LRRTM4: variants seen among roughly 807,000 people sequenced by gnomAD.
LRRTM4 encodes leucine rich repeat transmembrane neuronal 4, also known as leucine-rich repeat transmembrane neuronal protein 4.
Under a neutral mutation model 47.6 loss-of-function variants are expected in LRRTM4, and 25 were observed. The ratio of observed to expected loss-of-function variants is 0.53; its 90% CI spans 0.38 to 0.73. The LOEUF is 0.73. LRRTM4 is among the 30% of genes least tolerant of loss of function. LRRTM4 has a pLI of 0.00. For missense variants in LRRTM4, 638 were observed against 713.4 expected (o/e 0.89, Z 1.20); for synonymous variants, 311 against 269.5 (o/e 1.15, Z -1.51).
chr2:77,395,034 T>C (rs1305564450), intron 3 of LRRTM4, among the ~76,000 whole-genome samples: 2 of 152,012 alleles, frequency 1.3e-5, no homozygotes, highest in East Asian at 3.9e-4. Flanking sequence ...TTAGAATTTA[T>C]TCTTTAAGTG....
rs796079879 is a variant in LRRTM4, at chr2:77,480,814, GTGTGTGTGGA to G, written c.1551+37494_1551+37503del. On this transcript the variant is annotated intron_variant, in intron 3 of 3. Coordinates refer to ENST00000409884, the MANE Select transcript of LRRTM4 (RefSeq NM_001134745.3). ...TGTGTGTGTGTGTGTGTGTGTGTGT[GTGTGTGTGGA>G]GAGAGAGAGAGAGAGAGAGAGAGAG... Among the ~76,000 whole-genome samples the G allele has an allele frequency of 7.5e-3, 974 of 130,714 alleles. 9 individuals carry two copies. In the East Asian group the frequency reaches 0.09, roughly 12 times the overall value. The allele number at this position is 130,714 out of a possible 152,430, so 85.8% of individuals were successfully genotyped here.
intron 3 of LRRTM4, among the ~76,000 whole-genome samples, chr2:77,466,720 T>A (rs1676995767): frequency 7.6e-6 from 1 of 131,984 alleles, no homozygotes; most frequent in East Asian, 2.5e-4. Flanking sequence ...TTTTTTTTTT[T>A]TTGACACAGA....
intron 3 of LRRTM4, among the ~76,000 whole-genome samples, chr2:76,876,139 C>T (rs548184879): frequency 6.6e-6 from 1 of 151,980 alleles, no homozygotes; most frequent in East Asian, 1.9e-4. Flanking sequence ...CATAGTATGC[C>T]TAACGATTTT....
At chr2:77,088,850 C>T (rs1468543713) in intron 3 of LRRTM4, among the ~76,000 whole-genome samples, 1 of 152,094 alleles carries the variant, frequency 6.6e-6, no homozygotes, top group Non-Finnish European at 1.5e-5. Context: ...ACTCTCTTCT[C>T]CAACCTCCCT....
chr2:77,230,528 G>T (rs1002879272), intron 3 of LRRTM4, among the ~76,000 whole-genome samples: 18 of 152,110 alleles, frequency 1.2e-4, no homozygotes, highest in African/African-American at 4.3e-4. Context: ...TATAAAATAA[G>T]ATTGTGAAGA....
At chr2:76,806,843 A>T (rs1675994549) in intron 3 of LRRTM4, among the ~76,000 whole-genome samples, 1 of 152,152 alleles carries the variant, frequency 6.6e-6, no homozygotes, top group African/African-American at 2.4e-5. Context: ...ATTGGTACTT[A>T]GAAAAGATAA....
At chr2:76,806,917 T>C (rs367597777) in intron 3 of LRRTM4, among the ~76,000 whole-genome samples, 3 of 151,968 alleles carry the variant, frequency 2.0e-5, no homozygotes, top group Admixed American at 1.3e-4. Flanking sequence ...AAAATACCAA[T>C]GACTTATAAA....
intron 3 of LRRTM4, among the ~76,000 whole-genome samples, chr2:77,215,946 A>C (rs895536799): frequency 2.0e-5 from 3 of 152,196 alleles, no homozygotes; most frequent in African/African-American, 7.2e-5. Context: ...ATTCTGGGTC[A>C]GTAAGAGCTG....
intron 3 of LRRTM4, among the ~76,000 whole-genome samples, chr2:77,420,696 C>G (rs893872448): frequency 3.4e-5 from 5 of 147,340 alleles, no homozygotes; most frequent in Admixed American, 6.9e-5. Flanking sequence ...CTTTTTTTTA[C>G]TAGGAAATAT....
chr2:77,021,977 C>T (rs186867962), intron 3 of LRRTM4, among the ~76,000 whole-genome samples: 1 of 152,178 alleles, frequency 6.6e-6, no homozygotes, highest in African/African-American at 2.4e-5. Flanking sequence ...TCAACATATC[C>T]CCTTTTCCTC....
At chr2:76,978,767 C>T (rs1176402510) in intron 3 of LRRTM4, among the ~76,000 whole-genome samples, 1 of 151,942 alleles carries the variant, frequency 6.6e-6, no homozygotes, top group Non-Finnish European at 1.5e-5. Context: ...TTTGTTTTAG[C>T]AAAAGGTTAA....
chr2:77,522,308 C>T lies in LRRTM4; in HGVS notation c.-347G>A. ...GCTGGGAGGCAGCCCTTGTCTAATT[C>T]AGAAGGCTTTCCAGAGACTGATGAT... On this transcript the variant is annotated 5_prime_UTR_variant, in exon 1 of 4. Coordinates refer to ENST00000409884, the MANE Select transcript of LRRTM4 (RefSeq NM_001134745.3). The T allele has an allele frequency of 1.9e-6, 1 of 531,608 alleles. No individual in the cohort carries two copies. Among genetic ancestry groups the T allele is most frequent in the Non-Finnish European group, 3.3e-6 (1 of 298,512 alleles). The allele number at this position is 531,608 out of a possible 1,614,324, so 32.9% of individuals were successfully genotyped here.
At chr2:76,775,183 T>C (rs1307475787) in intron 3 of LRRTM4, among the ~76,000 whole-genome samples, 1 of 152,216 alleles carries the variant, frequency 6.6e-6, no homozygotes. Context: ...CAGGCATTTA[T>C]TGTTTTGGGC....
At chr2:76,911,639 AAG>A (rs1674059436) in intron 3 of LRRTM4, among the ~76,000 whole-genome samples, 1 of 152,088 alleles carries the variant, frequency 6.6e-6, no homozygotes, top group East Asian at 1.9e-4. Flanking sequence ...AGAGAAAAGA[AAG>A]AGCCAGAGAG....
rs775279021 is a variant in LRRTM4 at position 76,885,462 on chromosome 2, C to CTTTTTTTTT, written c.1552-136555_1552-136547dup. 1.5e-5 allele frequency among the ~76,000 whole-genome samples: 2 copies of CTTTTTTTTT among 135,596 alleles called. 1 individual carries two copies. Among genetic ancestry groups the CTTTTTTTTT allele is most frequent in the Non-Finnish European group, 3.2e-5 (2 of 62,412 alleles). The allele number at this position is 135,596 out of a possible 152,430, so 89.0% of individuals were successfully genotyped here. On this transcript the variant is annotated intron_variant, in intron 3 of 3. Coordinates refer to ENST00000409884, the MANE Select transcript of LRRTM4 (RefSeq NM_001134745.3). ...GGAAGAAAGTTTTGACAAAAACATG[C>CTTTTTTTTT]TTTTTTTTTTTTTTTTTTGAGACGA... is the stretch of plus-strand genomic sequence containing the variant.
intron 3 of LRRTM4, among the ~76,000 whole-genome samples, chr2:76,785,101 G>A (rs1158860934): frequency 2.0e-5 from 3 of 152,006 alleles, no homozygotes; most frequent in East Asian, 3.9e-4. Flanking sequence ...GTCCTCCAAA[G>A]ATATCTTGCT....
At chr2:77,127,386 A>G (rs1254615845) in intron 3 of LRRTM4, among the ~76,000 whole-genome samples, 1 of 152,218 alleles carries the variant, frequency 6.6e-6, no homozygotes, top group Middle Eastern at 3.2e-3. Flanking sequence ...AATTGCATAA[A>G]TCACATGAAT....
In LRRTM4 at chr2:77,276,179, A is replaced by G. The variant is rs368616970; in HGVS notation, c.1551+242139T>C. Among the ~76,000 whole-genome samples the G allele has an allele frequency of 6.6e-5, 10 of 152,188 alleles. No individual in the cohort carries two copies. The East Asian group carries it at 1.4e-3, about 21-fold the overall frequency. On this transcript the variant is annotated intron_variant, in intron 3 of 3. Coordinates refer to ENST00000409884, the MANE Select transcript of LRRTM4 (RefSeq NM_001134745.3). ...TCTGCTATACTTTTATCAATAAATT[A>G]TAATTCTAACCATTAAAAATAAGTC...
chr2:76,931,030 G>T (rs1269881105), intron 3 of LRRTM4, among the ~76,000 whole-genome samples: 1 of 151,774 alleles, frequency 6.6e-6, no homozygotes, highest in Non-Finnish European at 1.5e-5. Context: ...GATTTTTGAG[G>T]TATTTTACAT....
Sources: allele counts gnomAD v4.1 joint callset (sites outside exome capture counted in the v4.1 genomes callset), GRCh38; gene constraint gnomAD v4.1.1; transcripts MANE v1.5; gene names NCBI Gene and HGNC (gene_info 2026-07-23, HGNC 2026-07-21).